Variants in DLGAP1 observed in about 807,000 individuals in gnomAD.
The protein encoded by DLGAP1 is DLG associated protein 1, also known as disks large-associated protein 1.
A neutral mutation model predicts 90.8 loss-of-function variants in DLGAP1; 11 were observed. That is an observed-to-expected ratio of 0.12 (90% CI 0.08 to 0.20). The LOEUF (loss-of-function observed/expected upper bound fraction) is 0.20, where lower values mean the gene tolerates loss of function less well. Ranked by LOEUF, DLGAP1 falls within the 10% of genes least tolerant of loss-of-function variation. The pLI is 1.00. For synonymous variants in DLGAP1, 558 were observed against 540.7 expected (o/e 1.03, Z -0.44); for missense variants, 1,050 against 1,333.8 (o/e 0.79, Z 3.31).
At chr18:3,791,654 A>G (rs1309989388) in intron 5 of DLGAP1, among the ~76,000 whole-genome samples, 1 of 152,254 alleles carries the variant, frequency 6.6e-6, no homozygotes, top group Non-Finnish European at 1.5e-5. Context: ...GGCATTATAC[A>G]CAGTCATGTA....
chr18:4,105,827 G>C (rs1401764452), intron 2 of DLGAP1, among the ~76,000 whole-genome samples: 2 of 151,738 alleles, frequency 1.3e-5, no homozygotes, highest in African/African-American at 4.8e-5. Context: ...TCAGGAGATC[G>C]AGACCATCCT....
rs148342109 is a variant in DLGAP1 at position 3,595,171 on chromosome 18, C to T, written c.1592-12923G>A. ...TCCAGCCACGCAGGAGGAGAGGGCA[C>T]CCATTGAGAGGCGGGCACCCCTTCT... On this transcript the variant is annotated intron_variant, in intron 7 of 12. Transcript: ENST00000315677. Among the ~76,000 whole-genome samples the T allele has an allele frequency of 2.4e-4, 37 of 152,338 alleles. No individual in the cohort carries two copies. The East Asian group carries it at 6.9e-3, about 29-fold the overall frequency.
At chr18:3,976,761 T>C (rs565427459) in intron 3 of DLGAP1, among the ~76,000 whole-genome samples, 1 of 152,218 alleles carries the variant, frequency 6.6e-6, no homozygotes, top group South Asian at 2.1e-4. Context: ...TTTTTAGCAT[T>C]TAATATACAA....
At chr18:3,827,800 G>A (rs913785815) in intron 4 of DLGAP1, among the ~76,000 whole-genome samples, 4 of 152,076 alleles carry the variant, frequency 2.6e-5, no homozygotes, top group Admixed American at 2.0e-4. Context: ...TGGTGTTTGT[G>A]ACCCATTAAA....
intron 3 of DLGAP1, among the ~76,000 whole-genome samples, chr18:3,928,630 C>T (rs557435799): frequency 2.0e-5 from 3 of 152,146 alleles, no homozygotes; most frequent in South Asian, 2.1e-4. Flanking sequence ...GGTTCAATCA[C>T]CCCCCAATTT....
At chr18:4,145,779 T>C (rs940912761) in intron 2 of DLGAP1, among the ~76,000 whole-genome samples, 2 of 152,178 alleles carry the variant, frequency 1.3e-5, no homozygotes. Context: ...TGAGACCATA[T>C]GAACATTTAT....
intron 1 of DLGAP1, among the ~76,000 whole-genome samples, chr18:4,362,869 C>T (rs1196192562): frequency 6.6e-6 from 1 of 152,004 alleles, no homozygotes; most frequent in Non-Finnish European, 1.5e-5. Flanking sequence ...AAATACTGAA[C>T]TTTGGCTAAG....
chr18:4,405,753 T>G (rs923659495), intron 1 of DLGAP1, among the ~76,000 whole-genome samples: 9 of 152,246 alleles, frequency 5.9e-5, no homozygotes, highest in African/African-American at 1.9e-4. Context: ...GGAGTTCACT[T>G]AAAACACTAG....
chr18:4,099,237 G>GATCT (rs60757948), intron 2 of DLGAP1, among the ~76,000 whole-genome samples: 16,704 of 139,574 alleles, frequency 0.12, 967 homozygotes, highest in South Asian at 0.23. Flanking sequence ...CTTGAAAATA[G>GATCT]ATCTGTCTGT....
intron 7 of DLGAP1, chr18:3,597,214 A>G (rs771239481): frequency 1.9e-6 from 1 of 516,968 alleles, no homozygotes; most frequent in South Asian, 1.4e-5. Flanking sequence ...TTTACCTCCT[A>G]GTATCATTTC....
chr18:3,839,384 T>C (rs1372249156), intron 4 of DLGAP1, among the ~76,000 whole-genome samples: 1 of 152,076 alleles, frequency 6.6e-6, no homozygotes. Flanking sequence ...GCCCTCAAAC[T>C]TGGTGTCAGC....
At chr18:3,797,944 C>T (rs1176135305) in intron 5 of DLGAP1, among the ~76,000 whole-genome samples, 1 of 152,166 alleles carries the variant, frequency 6.6e-6, no homozygotes, top group Non-Finnish European at 1.5e-5. Flanking sequence ...GAATAAGTCT[C>T]AAGAGATCTG....
chr18:4,374,819 T>C (rs921559581), intron 1 of DLGAP1, among the ~76,000 whole-genome samples: 4 of 152,146 alleles, frequency 2.6e-5, no homozygotes, highest in African/African-American at 9.7e-5. Flanking sequence ...ACATTGACCA[T>C]ATTAGGGAGT....
intron 2 of DLGAP1, among the ~76,000 whole-genome samples, chr18:4,096,996 A>G (rs2143822896): frequency 6.6e-6 from 1 of 152,316 alleles, no homozygotes; most frequent in Middle Eastern, 3.4e-3. Flanking sequence ...TATTTTTGTC[A>G]TCATTATTCT....
chr18:3,751,635 T>C (rs2063498879), intron 5 of DLGAP1, among the ~76,000 whole-genome samples: 2 of 151,454 alleles, frequency 1.3e-5, no homozygotes, highest in South Asian at 4.2e-4. Context: ...CTTGTGTCAC[T>C]GCAACCTCTG....
intron 5 of DLGAP1, among the ~76,000 whole-genome samples, chr18:3,799,596 T>A (rs1035053161): frequency 6.6e-6 from 1 of 151,824 alleles, no homozygotes; most frequent in Middle Eastern, 3.2e-3. Flanking sequence ...GCACAGTGAA[T>A]GATCATGGAA....
intron 1 of DLGAP1, among the ~76,000 whole-genome samples, chr18:4,287,895 A>AG (rs2079740972): frequency 6.6e-6 from 1 of 151,708 alleles, no homozygotes; most frequent in South Asian, 2.1e-4. Flanking sequence ...AATTTTAAAA[A>AG]GAAAAAAAAA....
chr18:4,345,325 T>C (rs1044011680), intron 1 of DLGAP1, among the ~76,000 whole-genome samples: 3 of 152,240 alleles, frequency 2.0e-5, no homozygotes, highest in African/African-American at 4.8e-5. Flanking sequence ...ATAATAATCC[T>C]GACTAGAGTA....
At chr18:3,699,012 C>T (rs1249562236) in intron 7 of DLGAP1, among the ~76,000 whole-genome samples, 1 of 152,056 alleles carries the variant, frequency 6.6e-6, no homozygotes, top group African/African-American at 2.4e-5. Flanking sequence ...ATGTTCTTCT[C>T]TAATCTGGTT....
Sources: gnomAD v4.1 joint callset for allele counts (sites outside exome capture counted in the v4.1 genomes callset) on GRCh38, gnomAD v4.1.1 for gene constraint, MANE v1.5 for transcripts, NCBI Gene and HGNC (gene_info 2026-07-23, HGNC 2026-07-21) for gene names.